SIL1: variants seen among roughly 807,000 people sequenced by gnomAD.
SIL1 encodes the protein nucleotide exchange factor SIL1.
SIL1 carries 40 observed loss-of-function variants against 49.1 expected under a neutral mutation model. The observed-to-expected ratio is 0.81, with a 90% CI of 0.63 to 1.06. The LOEUF is 1.06. SIL1 is among the 50% of genes least tolerant of loss of function. The probability of loss-of-function intolerance (pLI) is 0.00; values close to 1 mark genes in which losing one functional copy is unlikely to be tolerated. For synonymous variants in SIL1, 253 were observed against 250.8 expected (o/e 1.01, Z -0.08); for missense variants, 500 against 572.6 (o/e 0.87, Z 1.29).
At chr5:139,018,288 A>G (rs1046307836) in intron 7 of SIL1, among the ~76,000 whole-genome samples, 1 of 152,192 alleles carries the variant, frequency 6.6e-6, no homozygotes, top group Admixed American at 6.5e-5. Flanking sequence ...AATGCCCTCA[A>G]TGAAGCAGCA....
intron 1 of SIL1, among the ~76,000 whole-genome samples, chr5:139,148,477 T>C (rs538627501): frequency 6.6e-6 from 1 of 152,318 alleles, no homozygotes; most frequent in East Asian, 1.9e-4. Context: ...GCCAGCCTTC[T>C]CACCAAACCA....
chr5:139,101,861 A>C (rs1294125928), intron 3 of SIL1, among the ~76,000 whole-genome samples: 1 of 152,220 alleles, frequency 6.6e-6, no homozygotes, highest in Non-Finnish European at 1.5e-5. Flanking sequence ...ACCTGAACCC[A>C]GCTATTTCCT....
intron 1 of SIL1, among the ~76,000 whole-genome samples, chr5:139,164,252 C>T (rs1751574436): frequency 1.3e-5 from 2 of 152,140 alleles, no homozygotes; most frequent in South Asian, 4.1e-4. Context: ...CTCCAAGTCT[C>T]TCTGACTCAA....
intron 6 of SIL1, among the ~76,000 whole-genome samples, 200 bp from the exon 7 acceptor site, chr5:139,021,492 C>T (rs996296260): frequency 9.2e-5 from 14 of 152,216 alleles, no homozygotes; most frequent in African/African-American, 1.9e-4. Flanking sequence ...TCATCTAACA[C>T]GATTGATGAG....
At chr5:138,995,849 T>TAATGACCTCC (rs1767859259) in intron 7 of SIL1, among the ~76,000 whole-genome samples, 1 of 152,238 alleles carries the variant, frequency 6.6e-6, no homozygotes, top group Non-Finnish European at 1.5e-5. Context: ...TCACTTAACA[T>TAATGACCTCC]AATGACCTCC....
chr5:139,119,545 G>A (rs987036199), intron 3 of SIL1, among the ~76,000 whole-genome samples: 3 of 152,160 alleles, frequency 2.0e-5, no homozygotes, highest in Admixed American at 6.5e-5. Flanking sequence ...TGGATTGCTC[G>A]AGCCCAGGAG....
intron 3 of SIL1, among the ~76,000 whole-genome samples, chr5:139,070,827 A>G (rs915152596): frequency 6.6e-6 from 1 of 152,182 alleles, no homozygotes; most frequent in African/African-American, 2.4e-5. Context: ...AGAACCAAAC[A>G]TTTATCCTGT....
At chr5:139,016,154 T>C (rs1018681421) in intron 7 of SIL1, among the ~76,000 whole-genome samples, 7 of 152,096 alleles carry the variant, frequency 4.6e-5, no homozygotes, top group South Asian at 2.1e-4. Flanking sequence ...TAGACAACAA[T>C]AGTAGAAATT....
At chr5:139,134,824 G>A (rs1750938812) in intron 1 of SIL1, among the ~76,000 whole-genome samples, 1 of 152,146 alleles carries the variant, frequency 6.6e-6, no homozygotes, top group Non-Finnish European at 1.5e-5. Flanking sequence ...GTTAGAGGAT[G>A]AGCTCTTCCA....
chr5:139,086,954 C>T (rs1770236344), intron 3 of SIL1, among the ~76,000 whole-genome samples: 1 of 151,448 alleles, frequency 6.6e-6, no homozygotes, highest in Admixed American at 6.6e-5. Context: ...AGTGAGACTC[C>T]ATTTGAAAAA....
At chr5:138,985,504 C>T (rs1767631649) in intron 7 of SIL1, among the ~76,000 whole-genome samples, 1 of 152,166 alleles carries the variant, frequency 6.6e-6, no homozygotes, top group African/African-American at 2.4e-5. Context: ...TTGCCTATCA[C>T]GTGAAGCTTC....
intron 4 of SIL1, among the ~76,000 whole-genome samples, chr5:139,048,685 A>G (rs1394113414): frequency 6.6e-6 from 1 of 152,174 alleles, no homozygotes; most frequent in East Asian, 1.9e-4. Context: ...CTCAATATTC[A>G]TAAGCTAAGA....
intron 7 of SIL1, among the ~76,000 whole-genome samples, chr5:139,015,812 G>C (rs1256540142): frequency 1.3e-5 from 2 of 152,212 alleles, no homozygotes; most frequent in Non-Finnish European, 1.5e-5. Flanking sequence ...CATCCATAGA[G>C]AATGGGATTT....
At chr5:139,080,414 A>G (rs1007783015) in intron 3 of SIL1, among the ~76,000 whole-genome samples, 1 of 152,230 alleles carries the variant, frequency 6.6e-6, no homozygotes, top group Non-Finnish European at 1.5e-5. Flanking sequence ...GCCAAAAACC[A>G]ACCTGACAGA....
Position 138,951,653 on chromosome 5 carries a change from C to T in SIL1, c.864+135G>A, listed in dbSNP as rs562560786. ...TGCCATCTGCTTTAGTTGAGTGTAACTTCTCCCCCTGTGCCACCCAGCAGA... is the reference window on the plus strand; with the variant it reads ...TGCCATCTGCTTTAGTTGAGTGTAATTTCTCCCCCTGTGCCACCCAGCAGA... On this transcript the variant is annotated intron_variant, in intron 8 of 9. Coordinates refer to ENST00000394817, the MANE Select transcript of SIL1 (RefSeq NM_022464.5). The T allele has an allele frequency of 3.4e-6, 3 of 875,894 alleles. No individual in the cohort carries two copies. In the African/African-American group the frequency reaches 4.9e-5, roughly 14 times the overall value. The allele number at this position is 875,894 out of a possible 1,614,324, so 54.3% of individuals were successfully genotyped here. A position where few individuals can be genotyped will look rare whatever the true frequency, so the allele number is the denominator to read the frequency against.
intron 1 of SIL1, among the ~76,000 whole-genome samples, chr5:139,188,817 C>T (rs1240996283): frequency 9.9e-5 from 15 of 152,138 alleles, no homozygotes; most frequent in Non-Finnish European, 1.9e-4. Flanking sequence ...GCCAGCCCTA[C>T]CCCAATAAAA....
intron 3 of SIL1, among the ~76,000 whole-genome samples, chr5:139,052,703 G>C (rs1581061159): frequency 6.6e-6 from 1 of 152,038 alleles, no homozygotes; most frequent in African/African-American, 2.4e-5. Context: ...AGTTCAGAGC[G>C]CAGTGGAAAA....
chr5:139,123,488 C>T (rs1382700111), intron 2 of SIL1, among the ~76,000 whole-genome samples: 1 of 152,174 alleles, frequency 6.6e-6, no homozygotes, highest in African/African-American at 2.4e-5. Flanking sequence ...CTGAGGAAAG[C>T]CCAAAGCACC....
At chr5:139,168,471 T>C (rs945355303) in intron 1 of SIL1, among the ~76,000 whole-genome samples, 9 of 152,174 alleles carry the variant, frequency 5.9e-5, no homozygotes, top group African/African-American at 2.2e-4. Flanking sequence ...GTCTTCCAAA[T>C]ACTGGGGATC....
Sources: allele counts gnomAD v4.1 joint callset (sites outside exome capture counted in the v4.1 genomes callset), GRCh38; gene constraint gnomAD v4.1.1; transcripts MANE v1.5; gene names NCBI Gene and HGNC (gene_info 2026-07-23, HGNC 2026-07-21).